The following LRP1B variants were observed in gnomAD, a reference collection of about 807,000 sequenced individuals.
LRP1B encodes the protein low-density lipoprotein receptor-related protein 1B.
LRP1B carries 217 observed loss-of-function variants against 556.6 expected under a neutral mutation model. The ratio of observed to expected loss-of-function variants is 0.39; its 90% CI spans 0.35 to 0.44. The LOEUF (loss-of-function observed/expected upper bound fraction) is 0.44, where lower values mean the gene tolerates loss of function less well. Ranked by LOEUF, LRP1B falls within the 20% of genes least tolerant of loss-of-function variation. LRP1B has a pLI of 1.00. For synonymous variants in LRP1B, 2,047 were observed against 1,865.8 expected (o/e 1.10, Z -2.50); for missense variants, 5,053 against 5,620.8 (o/e 0.90, Z 3.23).
intron 2 of LRP1B, among the ~76,000 whole-genome samples, chr2:141,638,892 T>C (rs1574176071): frequency 2.5e-5 from 1 of 39,430 alleles, no homozygotes; most frequent in South Asian, 8.0e-4. Flanking sequence ...TGTGTGTGTA[T>C]GTGCGTGTGT....
chr2:141,985,366 A>G (rs979476000), intron 1 of LRP1B, among the ~76,000 whole-genome samples: 2 of 152,132 alleles, frequency 1.3e-5, no homozygotes, highest in African/African-American at 2.4e-5. Flanking sequence ...GTGCCAGCAC[A>G]TTACCATCAA....
chr2:141,071,306 C>T (rs1463578852), intron 7 of LRP1B, among the ~76,000 whole-genome samples: 26 of 150,936 alleles, frequency 1.7e-4, no homozygotes, highest in African/African-American at 5.1e-4. Context: ...AATTCAACAA[C>T]GCTTCATGCT....
intron 7 of LRP1B, among the ~76,000 whole-genome samples, chr2:141,139,761 A>C (rs1701592030): frequency 6.7e-6 from 1 of 149,800 alleles, no homozygotes; most frequent in Non-Finnish European, 1.5e-5. Flanking sequence ...ATGTAAAAAA[A>C]GTACAGCCAC....
chr2:140,559,412 C>T (rs1680851074), intron 43 of LRP1B, among the ~76,000 whole-genome samples: 1 of 151,760 alleles, frequency 6.6e-6, no homozygotes, highest in Non-Finnish European at 1.5e-5. Flanking sequence ...AAGAAATGAC[C>T]AGAGTAAGTA....
chr2:141,695,200 A>G (rs529919868), intron 2 of LRP1B, among the ~76,000 whole-genome samples: 1 of 152,044 alleles, frequency 6.6e-6, no homozygotes. Context: ...CCTGCCTCAG[A>G]TTTAAATTCA....
At chr2:141,581,069 A>T (rs1430150591) in intron 2 of LRP1B, among the ~76,000 whole-genome samples, 1 of 152,218 alleles carries the variant, frequency 6.6e-6, no homozygotes, top group East Asian at 1.9e-4. Context: ...GATGATGATC[A>T]TGGATTGTAT....
chr2:140,583,928 T>C (rs1167237233), intron 43 of LRP1B, among the ~76,000 whole-genome samples: 1 of 152,178 alleles, frequency 6.6e-6, no homozygotes, highest in Non-Finnish European at 1.5e-5. Flanking sequence ...CCATAATGTC[T>C]TGGTTGCTAG....
At chr2:141,246,695 C>T (rs565897776) in intron 5 of LRP1B, among the ~76,000 whole-genome samples, 3 of 152,230 alleles carry the variant, frequency 2.0e-5, no homozygotes, top group South Asian at 4.1e-4. Flanking sequence ...CTGGGCACTG[C>T]GGCTCATGCC....
chr2:141,923,052 T>C (rs1700231250), intron 1 of LRP1B, among the ~76,000 whole-genome samples: 1 of 151,990 alleles, frequency 6.6e-6, no homozygotes, highest in South Asian at 2.1e-4. Flanking sequence ...TCAATTGTGA[T>C]TGTACCACTG....
Position 141,729,244 on chromosome 2 carries a change from G to A in LRP1B, c.205+81035C>T, listed in dbSNP as rs201779164. Among the ~76,000 whole-genome samples, 6 of 152,164 alleles carry A rather than the reference G, an allele frequency of 3.9e-5. No individual in the cohort carries two copies. The East Asian group carries it at 5.8e-4, about 15-fold the overall frequency. The stretch of plus-strand genomic sequence containing the variant: ...CAGCTTTACCACAGGACTTCCTTGG[G>A]GGCATCAGCCAGACACAGTGATACT... On this transcript the variant is annotated intron_variant, in intron 2 of 90. Transcript: ENST00000389484.
At position 141,433,954 on chromosome 2, in the gene LRP1B, A is replaced by C. The variant is rs181270770; in HGVS notation, c.343+46442T>G. Among the ~76,000 whole-genome samples, 25 of 147,986 alleles carry C rather than the reference A, an allele frequency of 1.7e-4. No individual in the cohort carries two copies. The East Asian group carries it at 4.8e-3, about 29-fold the overall frequency. On this transcript the variant is annotated intron_variant, in intron 3 of 90. Coordinates refer to ENST00000389484, the MANE Select transcript of LRP1B (RefSeq NM_018557.3). ...ACTATCTAATGGTCTCTATTCTAAC[A>C]AGTCAGCTGATAGTTTTGTTGGGGT...
intron 2 of LRP1B, among the ~76,000 whole-genome samples, chr2:141,683,810 A>T (rs1691187570): frequency 6.6e-6 from 1 of 152,128 alleles, no homozygotes; most frequent in South Asian, 2.1e-4. Flanking sequence ...TGGTTCCACA[A>T]CCTTTGCTAG....
intron 41 of LRP1B, among the ~76,000 whole-genome samples, chr2:140,606,599 T>G (rs573587407): frequency 6.6e-6 from 1 of 152,192 alleles, no homozygotes; most frequent in Non-Finnish European, 1.5e-5. Flanking sequence ...TCACACTTCC[T>G]GATTTCAACC....
At chr2:141,393,574 T>A (rs958233090) in intron 3 of LRP1B, among the ~76,000 whole-genome samples, 5 of 152,172 alleles carry the variant, frequency 3.3e-5, no homozygotes, top group African/African-American at 4.8e-5. Flanking sequence ...CTTCATCCTT[T>A]CCCTGCTGTA....
intron 2 of LRP1B, among the ~76,000 whole-genome samples, chr2:141,807,189 A>T (rs1200809271): frequency 6.6e-6 from 1 of 152,074 alleles, no homozygotes; most frequent in East Asian, 1.9e-4. Flanking sequence ...ATTACAAAGT[A>T]CTGTGATTAC....
chr2:140,683,375 A>C (rs2105382326), intron 41 of LRP1B: 1 of 504,512 alleles, frequency 2.0e-6, no homozygotes, highest in East Asian at 4.8e-5. Flanking sequence ...CAGCATCATC[A>C]AACTATCCTG....
intron 46 of LRP1B, among the ~76,000 whole-genome samples, chr2:140,534,795 A>T (rs1690876108): frequency 6.6e-6 from 1 of 152,130 alleles, no homozygotes; most frequent in African/African-American, 2.4e-5. Flanking sequence ...CTCTGTATTG[A>T]GTATATGTAG....
chr2:140,573,244 C>G (rs1052295686), intron 43 of LRP1B, among the ~76,000 whole-genome samples: 1 of 151,532 alleles, frequency 6.6e-6, no homozygotes, highest in African/African-American at 2.4e-5. Context: ...ACACTGTATA[C>G]CATAAATATG....
chr2:141,445,205 T>A (rs1681141089), intron 3 of LRP1B, among the ~76,000 whole-genome samples: 1 of 152,224 alleles, frequency 6.6e-6, no homozygotes, highest in South Asian at 2.1e-4. Context: ...ATATTCTAGT[T>A]TATTTGCATA....
Sources: gnomAD v4.1 joint callset for allele counts (sites outside exome capture counted in the v4.1 genomes callset) on GRCh38, gnomAD v4.1.1 for gene constraint, MANE v1.5 for transcripts, NCBI Gene and HGNC (gene_info 2026-07-23, HGNC 2026-07-21) for gene names.